Variants in CD200 observed in about 807,000 individuals in gnomAD.
CD200 encodes CD200 molecule, also known as OX-2 membrane glycoprotein.
A neutral mutation model predicts 30.9 loss-of-function variants in CD200; 15 were observed. The observed-to-expected ratio is 0.49, with a 90% CI of 0.32 to 0.75. The LOEUF (loss-of-function observed/expected upper bound fraction) is 0.75. CD200 is among the 30% of genes least tolerant of loss of function. The pLI is 0.03. For missense variants in CD200, 262 were observed against 324.2 expected (o/e 0.81, Z 1.47); for synonymous variants, 134 against 126.2 (o/e 1.06, Z -0.41).
chr3:112,337,103 G>A (rs539799009), intron 1 of CD200, among the ~76,000 whole-genome samples: 11 of 152,118 alleles, frequency 7.2e-5, no homozygotes, highest in African/African-American at 2.7e-4. Context: ...AAGGTGTGGG[G>A]TATATGGTGG....
At chr3:112,334,460 T>TA (rs1396124517) in intron 1 of CD200, among the ~76,000 whole-genome samples, 1 of 152,236 alleles carries the variant, frequency 6.6e-6, no homozygotes, top group African/African-American at 2.4e-5. Context: ...GGCTCTATAC[T>TA]AAGTGCTTTA....
chr3:112,347,217 T>A (rs952640482), intron 3 of CD200, among the ~76,000 whole-genome samples: 27 of 152,358 alleles, frequency 1.8e-4, no homozygotes, highest in African/African-American at 6.3e-4. Context: ...AGATGCTGCA[T>A]TGCCCCTGGA....
chr3:112,347,858 G>C (rs1220348081), intron 4 of CD200, 28 bp downstream of exon 4: 1 of 1,601,150 alleles, frequency 6.2e-7, no homozygotes, highest in African/African-American at 1.3e-5. Flanking sequence ...AGGTGGCTGT[G>C]GTTGTGTCTG....
chr3:112,359,837 T>C (rs1208594913), intron 5 of CD200, among the ~76,000 whole-genome samples: 5 of 152,092 alleles, frequency 3.3e-5, no homozygotes, highest in Non-Finnish European at 7.4e-5. Context: ...TAGAATAATA[T>C]AAAATATAGC....
rs1020295805 is a variant in CD200 at position 112,347,751 on chromosome 3, G to C, written c.615G>C (p.Lys205Asn). The C allele has an allele frequency of 8.1e-6, 13 of 1,613,856 alleles. No homozygotes were observed. Among genetic ancestry groups the C allele is most frequent in the East Asian group, 2.2e-5 (1 of 44,890 alleles). Residue 205 changes from lysine to asparagine, a missense_variant, in exon 4 of 6, where the codon AAG (lysine) becomes AAC (asparagine). Transcript: ENST00000315711. ...VTSILHIKDPKNQVGKEVICQ... is the reference protein window; with the variant it reads ...VTSILHIKDPNNQVGKEVICQ... ...GCATCCTCCATATCAAAGACCCTAA[G>C]AATCAGGTGGGGAAGGAGGTGATCT...
intron 1 of CD200, among the ~76,000 whole-genome samples, chr3:112,340,351 T>C (rs2081210655): frequency 6.6e-6 from 1 of 152,130 alleles, no homozygotes; most frequent in South Asian, 2.1e-4. Context: ...CCCAGACACA[T>C]GAAAATAAGG....
At chr3:112,341,372 T>C (rs1029226092) in intron 2 of CD200, among the ~76,000 whole-genome samples, 2 of 152,216 alleles carry the variant, frequency 1.3e-5, no homozygotes, top group Non-Finnish European at 1.5e-5. Flanking sequence ...ATGTGTTACC[T>C]TTTTACAGAA....
intron 3 of CD200, 102 bp from the exon 4 acceptor site, chr3:112,347,456 A>G (rs1343722557): frequency 6.7e-6 from 8 of 1,186,960 alleles, no homozygotes; most frequent in African/African-American, 6.0e-5. Context: ...TCTAGCCTCC[A>G]TTATCTTTCT....
intron 5 of CD200, among the ~76,000 whole-genome samples, chr3:112,357,911 G>T (rs1011586023): frequency 1.3e-5 from 2 of 152,160 alleles, no homozygotes; most frequent in Non-Finnish European, 2.9e-5. Context: ...TGAAATAAAT[G>T]TGAGTTATGC....
Position 112,352,348 on chromosome 3 carries a change from C to T in CD200, c.802+2529C>T, listed in dbSNP as rs116338635. Among the ~76,000 whole-genome samples, 1,179 of 151,838 alleles carry T rather than the reference C, an allele frequency of 7.8e-3. 21 individuals are homozygous for T. The highest frequency in any genetic ancestry group is 0.027 in the African/African-American group (1,132 of 41,400). ...TATTTTGTGAGGAAGGGAAATAGTC[C>T]TACACATTTGCCTTCCAGTTGTTTT... is the stretch of plus-strand genomic sequence containing the variant. On this transcript the variant is annotated intron_variant, in intron 5 of 5. Coordinates refer to ENST00000315711, the MANE Select transcript of CD200 (RefSeq NM_005944.7).
At chr3:112,341,433 T>C (rs1223266322) in intron 2 of CD200, among the ~76,000 whole-genome samples, 4 of 152,240 alleles carry the variant, frequency 2.6e-5, no homozygotes, top group African/African-American at 4.8e-5. Context: ...ATATTATCTA[T>C]TGTATAACAA....
At chr3:112,333,275 G>T in intron 1 of CD200, 51 bp downstream of exon 1, 3 of 1,537,550 alleles carry the variant, frequency 2.0e-6, no homozygotes, top group Non-Finnish European at 2.6e-6. Flanking sequence ...GCGATGTTGA[G>T]CCGGTGGCCC....
chr3:112,357,858 C>G (rs2081657280), intron 5 of CD200, among the ~76,000 whole-genome samples: 3 of 152,108 alleles, frequency 2.0e-5, no homozygotes, highest in African/African-American at 7.2e-5. Context: ...AAAAACATCA[C>G]CAAACTTTTA....
At position 112,333,193 on chromosome 3, in the gene CD200, G is replaced by A. The variant is rs922189781; in HGVS notation, c.-20G>A. On this transcript the variant is annotated 5_prime_UTR_variant, in exon 1 of 6. Coordinates refer to ENST00000315711, the MANE Select transcript of CD200 (RefSeq NM_005944.7). ...GCACATCCGCAGTCAGCCACCTCGC[G>A]CGCGCCTCCAGGAGCAAGGATGGAG... 1.3e-5 allele frequency: 20 copies of A among 1,549,546 alleles called. No individual in the cohort carries two copies. The African/African-American group carries it at 2.1e-4, about 16-fold the overall frequency.
chr3:112,335,666 A>ACAT (rs112283470), intron 1 of CD200, among the ~76,000 whole-genome samples: 1,677 of 152,290 alleles, frequency 0.011, 35 homozygotes, highest in African/African-American at 0.038. Context: ...GGGCGGCGAG[A>ACAT]CATCATTCCT....
intron 5 of CD200, 105 bp downstream of exon 5, chr3:112,349,924 G>A (rs552531643): frequency 7.3e-7 from 1 of 1,370,874 alleles, no homozygotes; most frequent in East Asian, 2.8e-5. Flanking sequence ...GCAACAATGT[G>A]TTTTGTCTGT....
At chr3:112,336,104 GT>G (rs1337561797) in intron 1 of CD200, 9 of 906,590 alleles carry the variant, frequency 9.9e-6, no homozygotes, top group Non-Finnish European at 1.5e-5. Flanking sequence ...TAAGATTAAT[GT>G]TTGTGAAACA....
chr3:112,335,907 T>C lies in CD200; in HGVS notation c.12+2683T>C, dbSNP rs139668233. 47 of 1,469,286 alleles carry C rather than the reference T, an allele frequency of 3.2e-5. No individual in the cohort carries two copies. In the East Asian group the frequency reaches 1.0e-3, roughly 33 times the overall value. 91.0% of individuals were successfully genotyped at this position (1,469,286 alleles called of 1,614,324 possible). A position where few individuals can be genotyped will look rare whatever the true frequency, so the allele number is the denominator to read the frequency against. On this transcript the variant is annotated intron_variant, in intron 1 of 5. Transcript: ENST00000315711. ...CCAAGAGAGCTGAGACAATATTGGCTCTAATTTTTATCATCTCATTGATCT... is the reference window on the plus strand; with the variant it reads ...CCAAGAGAGCTGAGACAATATTGGCCCTAATTTTTATCATCTCATTGATCT...
intron 5 of CD200, among the ~76,000 whole-genome samples, chr3:112,360,335 T>TAAAAAAA (rs1559794426): frequency 1.4e-5 from 1 of 69,088 alleles, no homozygotes; most frequent in East Asian, 3.8e-4. Flanking sequence ...CTAAAAAAAA[T>TAAAAAAA]ATATATATAT....
Sources: gnomAD v4.1 joint callset for allele counts (sites outside exome capture counted in the v4.1 genomes callset) on GRCh38, gnomAD v4.1.1 for gene constraint, MANE v1.5 for transcripts, NCBI Gene and HGNC (gene_info 2026-07-23, HGNC 2026-07-21) for gene names.